TRAK2: variants seen among roughly 807,000 people sequenced by gnomAD.
TRAK2 encodes the protein trafficking kinesin protein 2, also known as trafficking kinesin-binding protein 2.
Under a neutral mutation model 104.6 loss-of-function variants are expected in TRAK2, and 81 were observed. The ratio of observed to expected loss-of-function variants is 0.77; its 90% CI spans 0.65 to 0.93. TRAK2 has a LOEUF of 0.93. Ranked by LOEUF, TRAK2 falls within the 40% of genes least tolerant of loss-of-function variation. The probability of loss-of-function intolerance (pLI) is 0.00; values close to 1 mark genes in which losing one functional copy is unlikely to be tolerated. For synonymous variants in TRAK2, 406 were observed against 394.4 expected, an observed-to-expected ratio of 1.03 and a Z score of -0.35; for missense variants, 1,002 against 1,089.0, an observed-to-expected ratio of 0.92 and a Z score of 1.12.
chr2:201,413,184 C>T lies in TRAK2; in HGVS notation c.92-5587G>A, dbSNP rs1951662847. On this transcript the variant is annotated intron_variant, in intron 2 of 15. Transcript: ENST00000332624. ...AAAAATCTTCCAAGCTAGCCCACTG[C>T]CACCACTGGCAATGTGCTGACCAAC... 16 of 1,516,740 alleles carry T rather than the reference C, an allele frequency of 1.1e-5. 1 individual carries two copies. Among genetic ancestry groups the T allele is most frequent in the Middle Eastern group, 1.7e-4 (1 of 5,852 alleles). The allele number at this position is 1,516,740 out of a possible 1,614,324, so 94.0% of individuals were successfully genotyped here. A position where few individuals can be genotyped will look rare whatever the true frequency, so the allele number is the denominator to read the frequency against.
rs149150029 is a variant in TRAK2 at position 201,386,335 on chromosome 2, C to G, written c.1846G>C (p.Glu616Gln). The G allele has an allele frequency of 6.2e-6, 10 of 1,614,058 alleles. No individual in the cohort carries two copies. Among genetic ancestry groups the G allele is most frequent in the Non-Finnish European group, 8.5e-6 (10 of 1,180,044 alleles). ...TGCTGAACCTGAAAAGTAATACCCT[C>G]CTCTTCATCCTCTTCTAAATCTGAG... ...HISDLEEDEEEGITFQVQQPL... is the reference protein window; with the variant it reads ...HISDLEEDEEQGITFQVQQPL... Residue 616 changes from glutamate (E) to glutamine (Q), a missense_variant, in exon 14 of 16, where the codon GAG becomes CAG. Coordinates refer to ENST00000332624, the MANE Select transcript of TRAK2 (RefSeq NM_015049.3).
intron 4 of TRAK2, 142 bp downstream of exon 4, chr2:201,400,876 T>C (rs766450157): frequency 6.3e-5 from 32 of 509,896 alleles, no homozygotes; most frequent in Non-Finnish European, 9.7e-5. Flanking sequence ...CTTTGAAATG[T>C]CAGTTGTTCC....
rs1380067818 is a variant in TRAK2, at chr2:201,410,764, G to A, written c.92-3167C>T. On this transcript the variant is annotated intron_variant, in intron 2 of 15. Transcript: ENST00000332624. ...AAGCCACTGATTTGGTTTCTGTTGT[G>A]ATAATTGGTTCATGCTAACTTTGGG... 1.1e-5 allele frequency: 18 copies of A among 1,588,456 alleles called. No homozygotes were observed. In the East Asian group the frequency reaches 2.0e-4, roughly 18 times the overall value.
rs775846449 is a variant in TRAK2 at position 201,389,799 on chromosome 2, A to G, written c.1193+2T>C. The stretch of plus-strand genomic sequence containing the variant: ...GTAACAACACATGTGACCTGTACTT[A>G]CTTTTGTTTAAAGAGAGAAGATTCC... On this transcript the variant is annotated splice_donor_variant, in intron 11 of 15. Transcript: ENST00000332624. LOFTEE classifies it high-confidence loss of function. 11 of 1,609,172 alleles carry G rather than the reference A, an allele frequency of 6.8e-6. No individual in the cohort carries two copies. Among genetic ancestry groups the G allele is most frequent in the Non-Finnish European group, 9.3e-6 (11 of 1,177,116 alleles).
intron 1 of TRAK2, among the ~76,000 whole-genome samples, chr2:201,430,707 A>C (rs1951834932): frequency 6.6e-6 from 1 of 152,072 alleles, no homozygotes; most frequent in Non-Finnish European, 1.5e-5. Flanking sequence ...GAGTGTCCCG[A>C]TTTTCCAGGT....
intron 3 of TRAK2, 75 bp downstream of exon 3, chr2:201,407,328 C>T: frequency 7.6e-7 from 1 of 1,311,662 alleles, no homozygotes; most frequent in African/African-American, 1.5e-5. Flanking sequence ...AACATCAGTG[C>T]TTTAAAAATC....
In TRAK2 at chr2:201,451,192, C is replaced by T. The variant is rs574549726; in HGVS notation, c.-200+158G>A. 2.5e-3 allele frequency among the ~76,000 whole-genome samples: 378 copies of T among 152,364 alleles called. 2 individuals are homozygous for T. The highest frequency in any genetic ancestry group is 8.4e-3 in the African/African-American group (350 of 41,590). On this transcript the variant is annotated intron_variant, in intron 1 of 15. Transcript: ENST00000332624. Reference sequence around the variant, plus strand: ...CACTTAGGAAACAACCCACGCCTCACCGCGGGACCCGGACCCAGCCCTCCA... The same window carrying T: ...CACTTAGGAAACAACCCACGCCTCATCGCGGGACCCGGACCCAGCCCTCCA...
intron 7 of TRAK2, among the ~76,000 whole-genome samples, chr2:201,396,005 C>T (rs1352046057): frequency 6.6e-6 from 1 of 152,142 alleles, no homozygotes; most frequent in Admixed American, 6.5e-5. Context: ...CTGAGTAAAG[C>T]CTCTAGAGCA....
At chr2:201,410,607 C>A in intron 2 of TRAK2, 1 of 1,276,758 alleles carries the variant, frequency 7.8e-7, no homozygotes, top group Non-Finnish European at 1.1e-6. Flanking sequence ...CAGTTGGTGG[C>A]TATGCAAAGT....
At chr2:201,435,502 C>T (rs778451480) in intron 1 of TRAK2, among the ~76,000 whole-genome samples, 2 of 152,196 alleles carry the variant, frequency 1.3e-5, no homozygotes, top group African/African-American at 2.4e-5. Context: ...TCTAACACTG[C>T]AAAAGCCTTT....
At chr2:201,382,733 C>T (rs1264195666) in intron 15 of TRAK2, among the ~76,000 whole-genome samples, 1 of 152,078 alleles carries the variant, frequency 6.6e-6, no homozygotes, top group African/African-American at 2.4e-5. Flanking sequence ...CAAATGCTTC[C>T]GTAAATAATC....
At chr2:201,393,283 A>T (rs1430262694) in intron 9 of TRAK2, among the ~76,000 whole-genome samples, 1 of 152,166 alleles carries the variant, frequency 6.6e-6, no homozygotes, top group Admixed American at 6.5e-5. Flanking sequence ...TGACTTCCTG[A>T]AAGTCTGAAA....
intron 12 of TRAK2, 52 bp downstream of exon 12, chr2:201,389,248 G>A (rs1419030068): frequency 6.6e-7 from 1 of 1,521,122 alleles, no homozygotes; most frequent in South Asian, 1.1e-5. Context: ...TGTGAATCTG[G>A]TGCGGCAATG....
chr2:201,445,239 T>C (rs1026522393), intron 1 of TRAK2, among the ~76,000 whole-genome samples: 5 of 152,170 alleles, frequency 3.3e-5, no homozygotes, highest in African/African-American at 1.2e-4. Context: ...CACTTATATA[T>C]AAATATTAAG....
intron 1 of TRAK2, among the ~76,000 whole-genome samples, chr2:201,443,863 C>T (rs4129011): frequency 0.55 from 84,172 of 152,016 alleles, 24,367 homozygotes; most frequent in Non-Finnish European, 0.65. Flanking sequence ...TCTCCATTCT[C>T]TATAAGCAGC....
chr2:201,405,365 C>T (rs1951585006), intron 3 of TRAK2, among the ~76,000 whole-genome samples: 1 of 152,304 alleles, frequency 6.6e-6, no homozygotes, highest in South Asian at 2.1e-4. Flanking sequence ...TCTCCGATTC[C>T]TTAATTCTCC....
In TRAK2 at chr2:201,383,844, C is replaced by T. The variant is rs1401350604; in HGVS notation, c.2069+267G>A. On this transcript the variant is annotated intron_variant, in intron 15 of 15. Coordinates refer to ENST00000332624, the MANE Select transcript of TRAK2 (RefSeq NM_015049.3). ...GCTAACTCTGGGTATATTGCCCCAG[C>T]TGCGTTATTTATTAGTTGTCTGCCC... 3.3e-5 allele frequency among the ~76,000 whole-genome samples: 5 copies of T among 152,128 alleles called. No homozygotes were observed. In the East Asian group the frequency reaches 9.6e-4, roughly 29 times the overall value.
In TRAK2 at chr2:201,395,404, C is replaced by T. The variant is rs1266272900; in HGVS notation, c.810G>A (p.Leu270=). 2.5e-6 allele frequency: 4 copies of T among 1,583,282 alleles called. No homozygotes were observed. Among genetic ancestry groups the T allele is most frequent in the South Asian group, 1.2e-5 (1 of 86,762 alleles). ...GAATCAGCTCATCACTCTTCCCTGA[C>T]AATTCTTCAGTCATTCTGGACATCT... is the stretch of plus-strand genomic sequence containing the variant. ...NAQMSRMTEE[L]SGKSDELIRY... The change falls in exon 8 of 16, where the codon TTG becomes TTA. Residue 270 remains leucine, a synonymous_variant. Transcript: ENST00000332624.
rs1451597203 is a variant in TRAK2, at chr2:201,387,798, A to G, written c.1601T>C (p.Leu534Pro). 1 of 1,614,172 alleles carries G rather than the reference A, an allele frequency of 6.2e-7. No homozygotes were observed. The highest frequency in any genetic ancestry group is 1.1e-5 in the South Asian group (1 of 91,072). Residue 534 changes from leucine (L) to proline (P), a missense_variant, in exon 13 of 16, where the codon CTC becomes CCC. By Grantham distance (98) the Leu-to-Pro change is moderately conservative. Transcript: ENST00000332624. ...TGTGATCTCTGACTGGGTGGTGCAG[A>G]GAGAGGCAAGGCTCTCTGTCGGGGT... ...CVTPTESLAS[L>P]CTTQSEITDL...
Sources: allele counts gnomAD v4.1 joint callset (sites outside exome capture counted in the v4.1 genomes callset), GRCh38; gene constraint gnomAD v4.1.1; transcripts MANE v1.5; gene names NCBI Gene and HGNC (gene_info 2026-07-23, HGNC 2026-07-21).